CLVS2: variants seen among roughly 807,000 people sequenced by gnomAD.
CLVS2 encodes the protein clavesin 2, also known as clavesin-2.
Under a neutral mutation model 29.0 loss-of-function variants are expected in CLVS2, and 19 were observed. That is an observed-to-expected ratio of 0.66 (90% CI 0.46 to 0.96). The LOEUF is 0.96. Ranked by LOEUF, CLVS2 falls within the 40% of genes least tolerant of loss-of-function variation. The pLI is 0.00. For missense variants in CLVS2, 294 were observed against 404.1 expected (o/e 0.73, Z 2.34); for synonymous variants, 161 against 151.3 (o/e 1.06, Z -0.47).
intron 3 of CLVS2, among the ~76,000 whole-genome samples, chr6:123,017,167 TA>T (rs1304338596): frequency 2.0e-5 from 3 of 151,970 alleles, no homozygotes; most frequent in African/African-American, 7.2e-5. Context: ...AGATATTGAC[TA>T]AATTAGGAAT....
rs1188061636 is a variant in CLVS2 at position 123,055,834 on chromosome 6, G to A, written c.704G>A (p.Ser235Asn). The A allele has an allele frequency of 5.0e-6, 8 of 1,613,960 alleles. No homozygotes were observed. The highest frequency in any genetic ancestry group is 5.9e-6 in the Non-Finnish European group (7 of 1,179,900). Reference protein sequence around the residue: ...RIFLHGNNLNSLHQLIHPEIL... With the variant: ...RIFLHGNNLNNLHQLIHPEIL... ...TTTTTGCATGGTAACAACCTGAACA[G>A]TCTACACCAACTAATTCATCCTGAG... The change falls in exon 5 of 6, where the codon AGT (serine) becomes AAT (asparagine). Residue 235 changes from serine to asparagine, a missense_variant. Ser to Asn is a conservative substitution (Grantham distance 46). This residue lies in a region of CLVS2 where 212 missense variants were observed against 336.4 expected (regional missense o/e 0.63). Transcript: ENST00000275162.
intron 3 of CLVS2, among the ~76,000 whole-genome samples, chr6:123,015,489 T>G (rs1378633779): frequency 6.6e-6 from 1 of 152,034 alleles, no homozygotes; most frequent in African/African-American, 2.4e-5. Flanking sequence ...TCAGCTGACC[T>G]CAAGGCTTGA....
intron 3 of CLVS2, among the ~76,000 whole-genome samples, chr6:123,042,483 A>C (rs1044757160): frequency 6.6e-6 from 1 of 152,154 alleles, no homozygotes; most frequent in Admixed American, 6.5e-5. Flanking sequence ...AGTTAAGTGG[A>C]CAGAGGTGGA....
Position 123,048,732 on chromosome 6 carries a change from G to A in CLVS2, c.675G>A (p.Arg225=). ...TCCTGAAGGAGAAAACTCGGAAAAG[G>A]GTATTCTTTTCTTTGATTTTTAATC... ...RPFLKEKTRK[R]IFLHGNNLNS... is the part of the protein sequence containing the mutation. Residue 225 remains arginine (R), a splice_region_variant and synonymous_variant, in exon 4 of 6, where the codon AGG becomes AGA. Coordinates refer to ENST00000275162, the MANE Select transcript of CLVS2 (RefSeq NM_001010852.4). 6.3e-7 allele frequency: 1 copy of A among 1,588,466 alleles called. No homozygotes were observed.
At chr6:123,063,240 G>GT (rs907682375) in intron 5 of CLVS2, among the ~76,000 whole-genome samples, 4 of 151,778 alleles carry the variant, frequency 2.6e-5, no homozygotes, top group African/African-American at 9.7e-5. Flanking sequence ...TTTTTCATAT[G>GT]TTTTTTAAAG....
At position 123,034,277 on chromosome 6, in the gene CLVS2, A is replaced by C. The variant is rs188928367; in HGVS notation, c.565-14345A>C. Among the ~76,000 whole-genome samples, 6 of 152,280 alleles carry C rather than the reference A, an allele frequency of 3.9e-5. No individual in the cohort carries two copies. The East Asian group carries it at 7.7e-4, about 20-fold the overall frequency. On this transcript the variant is annotated intron_variant, in intron 3 of 5. Transcript: ENST00000275162. ...GTACACAGACATTTATAGTGGCTTC[A>C]TTCATAATAGCCAAAAACTGGAAGT...
chr6:123,015,884 C>T (rs1258707783), intron 3 of CLVS2, among the ~76,000 whole-genome samples: 1 of 151,936 alleles, frequency 6.6e-6, no homozygotes, highest in African/African-American at 2.4e-5. Context: ...AAGTGATAAG[C>T]CATTCATAAT....
At chr6:123,046,647 A>C (rs2114352330) in intron 3 of CLVS2, among the ~76,000 whole-genome samples, 1 of 112,168 alleles carries the variant, frequency 8.9e-6, no homozygotes, top group Admixed American at 9.9e-5. Flanking sequence ...AATAGGAGTG[A>C]AACTCAGTCT....
intron 5 of CLVS2, among the ~76,000 whole-genome samples, chr6:123,062,197 G>C (rs1050099363): frequency 6.6e-6 from 1 of 152,128 alleles, no homozygotes; most frequent in Non-Finnish European, 1.5e-5. Flanking sequence ...TCATCTGAGA[G>C]CCAATTTGCT....
chr6:123,009,747 A>G (rs1026867658), intron 2 of CLVS2, among the ~76,000 whole-genome samples: 6 of 152,206 alleles, frequency 3.9e-5, no homozygotes, highest in South Asian at 2.1e-4. Context: ...AATTGTTAAC[A>G]TCTTCCATAA....
chr6:122,999,967 G>C (rs1422326393), intron 2 of CLVS2, among the ~76,000 whole-genome samples: 1 of 152,130 alleles, frequency 6.6e-6, no homozygotes, highest in Admixed American at 6.5e-5. Context: ...GAGACACTGT[G>C]TTTTAGTTGT....
At chr6:123,027,253 A>G (rs1461174749) in intron 3 of CLVS2, among the ~76,000 whole-genome samples, 1 of 152,244 alleles carries the variant, frequency 6.6e-6, no homozygotes, top group African/African-American at 2.4e-5. Flanking sequence ...AATGGACAAT[A>G]GAAAAATTAA....
At position 123,071,367 on chromosome 6, in the gene CLVS2, A is replaced by T. The variant is rs901486224; in HGVS notation, c.*7606A>T. 29 of 151,974 alleles carry T rather than the reference A, an allele frequency of 1.9e-4. No individual in the cohort carries two copies. The highest frequency in any genetic ancestry group is 7.4e-5 in the Non-Finnish European group (5 of 67,918). The allele number at this position is 151,974 out of a possible 1,614,324, so 9.4% of individuals were successfully genotyped here. A position where few individuals can be genotyped will look rare whatever the true frequency, so the allele number is the denominator to read the frequency against. Reference sequence around the variant, plus strand: ...CAAAAATGATATCCTCTTCTCCCCAATTGTGATCTCTATCCCTGAGCCTAA... The same window carrying T: ...CAAAAATGATATCCTCTTCTCCCCATTTGTGATCTCTATCCCTGAGCCTAA... On this transcript the variant is annotated 3_prime_UTR_variant, in exon 6 of 6. Transcript: ENST00000275162.
At chr6:123,006,571 CA>C (rs1554200805) in intron 2 of CLVS2, among the ~76,000 whole-genome samples, 1 of 151,726 alleles carries the variant, frequency 6.6e-6, no homozygotes, top group Non-Finnish European at 1.5e-5. Context: ...ATATAAAAGA[CA>C]AAAAAATTTA....
At chr6:123,021,914 C>A (rs930653634) in intron 3 of CLVS2, among the ~76,000 whole-genome samples, 1 of 151,962 alleles carries the variant, frequency 6.6e-6, no homozygotes, top group African/African-American at 2.4e-5. Context: ...TAGTATGTAT[C>A]TTTCCTGGTT....
chr6:123,030,336 G>A (rs532202411), intron 3 of CLVS2, among the ~76,000 whole-genome samples: 2 of 152,150 alleles, frequency 1.3e-5, no homozygotes, highest in Non-Finnish European at 2.9e-5. Flanking sequence ...TTAATCTTCA[G>A]TGGAGTCCCA....
At chr6:123,048,378 A>G (rs1339095573) in intron 3 of CLVS2, among the ~76,000 whole-genome samples, 1 of 152,050 alleles carries the variant, frequency 6.6e-6, no homozygotes, top group African/African-American at 2.4e-5. Context: ...ACCCTCTTAA[A>G]AATGCTGAAA....
intron 3 of CLVS2, among the ~76,000 whole-genome samples, chr6:123,045,307 T>C (rs943661811): frequency 2.0e-5 from 3 of 151,976 alleles, no homozygotes; most frequent in African/African-American, 4.8e-5. Context: ...TAAGGCCACA[T>C]TGGAAGACCT....
chr6:123,064,329 T>C lies in CLVS2; in HGVS notation c.*568T>C, dbSNP rs1178456635. On this transcript the variant is annotated 3_prime_UTR_variant, in exon 6 of 6. Transcript: ENST00000275162. The stretch of plus-strand genomic sequence containing the variant: ...AGTAACTATCATTGGCCTTGCATTT[T>C]GGAGGCAAGGAATGGCAGATGAGCT... 6.6e-6 allele frequency: 1 copy of C among 152,068 alleles called. No homozygotes were observed. Among genetic ancestry groups the C allele is most frequent in the Non-Finnish European group, 1.5e-5 (1 of 67,952 alleles). The allele number at this position is 152,068 out of a possible 1,614,324, so 9.4% of individuals were successfully genotyped here. A position where few individuals can be genotyped will look rare whatever the true frequency, so the allele number is the denominator to read the frequency against.
Sources: gnomAD v4.1 joint callset for allele counts (sites outside exome capture counted in the v4.1 genomes callset) on GRCh38, gnomAD v4.1.1 for gene constraint, gnomAD v4.1.1 regional missense constraint, MANE v1.5 for transcripts, NCBI Gene and HGNC (gene_info 2026-07-23, HGNC 2026-07-21) for gene names.